The following NAALADL2 variants were observed in gnomAD, a reference collection of about 807,000 sequenced individuals.
NAALADL2 encodes the protein N-acetylated alpha-linked acidic dipeptidase like 2.
Under a neutral mutation model 87.2 loss-of-function variants are expected in NAALADL2, and 76 were observed. That is an observed-to-expected ratio of 0.87 (90% CI 0.72 to 1.05). The LOEUF is 1.05. Ranked by LOEUF, NAALADL2 falls within the 50% of genes least tolerant of loss-of-function variation. The probability of loss-of-function intolerance (pLI) is 0.00; values close to 1 mark genes in which losing one functional copy is unlikely to be tolerated. For missense variants in NAALADL2, 1,089 were observed against 945.8 expected, an observed-to-expected ratio of 1.15 and a Z score of -1.99; for synonymous variants, 354 against 331.0, an observed-to-expected ratio of 1.07 and a Z score of -0.75.
At chr3:175,224,370 G>GT (rs1743852640) in intron 2 of NAALADL2, among the ~76,000 whole-genome samples, 1 of 152,198 alleles carries the variant, frequency 6.6e-6, no homozygotes, top group South Asian at 2.1e-4. Context: ...CCTGTGAAAT[G>GT]TTTGACTGTG....
rs1446461729 is a variant in NAALADL2, at chr3:174,733,638, G to A, written c.-114-4003G>A. 3.3e-5 allele frequency among the ~76,000 whole-genome samples: 5 copies of A among 152,194 alleles called. No individual in the cohort carries two copies. The East Asian group carries it at 7.7e-4, about 23-fold the overall frequency. On this transcript the variant is annotated intron_variant, in intron 2 of 3. Transcript: ENST00000434257. ...TCTTTCTGTTACCGAAACACCAGGG[G>A]TTCAGTTTGGGTCCTGCTGCTTGCC...
At position 174,821,638 on chromosome 3, in the gene NAALADL2, C is replaced by G. The variant is rs535361941; in HGVS notation, c.-9+83892C>G. ...GAGATTTGGGCAATTACACAGAGTT[C>G]TGACTTCCCAGAGGACTCAGTGGTT... On this transcript the variant is annotated intron_variant, in intron 3 of 3. Transcript: ENST00000434257. 2.6e-5 allele frequency among the ~76,000 whole-genome samples: 4 copies of G among 152,264 alleles called. No individual in the cohort carries two copies. In the East Asian group the frequency reaches 7.7e-4, roughly 29 times the overall value.
At chr3:174,703,459 T>C (rs912581621) in intron 2 of NAALADL2, among the ~76,000 whole-genome samples, 1 of 152,186 alleles carries the variant, frequency 6.6e-6, no homozygotes, top group East Asian at 1.9e-4. Context: ...CCATTTGGAC[T>C]GACTAGTTTC....
At chr3:174,816,548 T>A (rs9822818) in intron 3 of NAALADL2, among the ~76,000 whole-genome samples, 3,097 of 148,364 alleles carry the variant, frequency 0.021, 75 homozygotes, top group African/African-American at 0.052. Context: ...TTAATATATA[T>A]AAATTATGTT....
At chr3:175,413,501 T>G (rs1376928411) in intron 5 of NAALADL2, among the ~76,000 whole-genome samples, 1 of 134,510 alleles carries the variant, frequency 7.4e-6, no homozygotes. Context: ...ACCCAGGAGG[T>G]GGAGGTTGCA....
chr3:175,421,197 A>G (rs1715634850), intron 5 of NAALADL2, among the ~76,000 whole-genome samples: 1 of 151,954 alleles, frequency 6.6e-6, no homozygotes, highest in South Asian at 2.1e-4. Context: ...ACTCCCACAT[A>G]AGAGCCATCT....
chr3:174,945,882 T>A (rs953504865), intron 1 of NAALADL2, among the ~76,000 whole-genome samples: 1 of 151,740 alleles, frequency 6.6e-6, no homozygotes, highest in African/African-American at 2.4e-5. Flanking sequence ...CAGTCTCTAC[T>A]AAAAATACAA....
chr3:175,674,562 C>T (rs886444527), intron 11 of NAALADL2, among the ~76,000 whole-genome samples: 1 of 152,044 alleles, frequency 6.6e-6, no homozygotes, highest in Admixed American at 6.6e-5. Context: ...CCGTGCCCGG[C>T]GACAGTTTGT....
At chr3:175,768,723 A>T (rs1749080843) in intron 13 of NAALADL2, among the ~76,000 whole-genome samples, 1 of 152,084 alleles carries the variant, frequency 6.6e-6, no homozygotes, top group East Asian at 1.9e-4. Flanking sequence ...ATGGTGGTGC[A>T]CCCCTGTAGT....
intron 5 of NAALADL2, among the ~76,000 whole-genome samples, chr3:175,446,115 T>A (rs531109106): frequency 6.6e-6 from 1 of 152,326 alleles, no homozygotes; most frequent in East Asian, 1.9e-4. Flanking sequence ...TTTGGTATTT[T>A]TAGATATTTT....
At position 174,717,058 on chromosome 3, in the gene NAALADL2, T is replaced by A. The variant is rs565419450; in HGVS notation, c.-114-20583T>A. On this transcript the variant is annotated intron_variant, in intron 2 of 3. Coordinates refer to the NAALADL2 transcript ENST00000434257. ...AACTTCAGTACATTTGTTTTTGTAA[T>A]ATGAGAGTTGAAAATGACTTTTCTT... Among the ~76,000 whole-genome samples the A allele has an allele frequency of 5.3e-5, 8 of 152,320 alleles. No individual in the cohort carries two copies. The South Asian group carries it at 1.7e-3, about 32-fold the overall frequency.
chr3:174,628,701 T>C (rs1721832071), intron 2 of NAALADL2, among the ~76,000 whole-genome samples: 1 of 152,172 alleles, frequency 6.6e-6, no homozygotes, highest in Admixed American at 6.5e-5. Context: ...TTTATAGCAC[T>C]ATTGCATTAT....
intron 13 of NAALADL2, chr3:175,773,656 G>A (rs1355223220): frequency 6.6e-6 from 1 of 151,980 alleles, no homozygotes; most frequent in Non-Finnish European, 1.5e-5. Context: ...GTAGTTCAGG[G>A]GTATTCATCT....
chr3:175,244,603 A>G (rs900988010), intron 3 of NAALADL2, among the ~76,000 whole-genome samples: 2 of 152,162 alleles, frequency 1.3e-5, no homozygotes, highest in Non-Finnish European at 2.9e-5. Flanking sequence ...AAAAATGCAT[A>G]ACTTTTTATT....
At chr3:175,778,384 G>A (rs1171015778) in intron 13 of NAALADL2, among the ~76,000 whole-genome samples, 4 of 152,304 alleles carry the variant, frequency 2.6e-5, no homozygotes, top group Non-Finnish European at 2.9e-5. Flanking sequence ...CTCTTACAAG[G>A]CATGATATGT....
intron 3 of NAALADL2, among the ~76,000 whole-genome samples, chr3:174,843,760 A>G (rs1724280437): frequency 6.6e-6 from 1 of 152,090 alleles, no homozygotes; most frequent in Non-Finnish European, 1.5e-5. Context: ...GGTTTTGATT[A>G]GCATTTCCCT....
chr3:174,748,016 G>A (rs1734442568), intron 3 of NAALADL2, among the ~76,000 whole-genome samples: 2 of 152,196 alleles, frequency 1.3e-5, no homozygotes, highest in South Asian at 2.1e-4. Flanking sequence ...TTGCAAGGAC[G>A]TGGGTGGAGC....
chr3:175,430,399 A>G (rs1717557330), intron 5 of NAALADL2, among the ~76,000 whole-genome samples: 1 of 151,984 alleles, frequency 6.6e-6, no homozygotes, highest in Non-Finnish European at 1.5e-5. Flanking sequence ...CTATGGCATT[A>G]TTTTGAAATA....
chr3:175,309,435 C>T (rs1758081260), intron 4 of NAALADL2, among the ~76,000 whole-genome samples: 1 of 152,062 alleles, frequency 6.6e-6, no homozygotes, highest in African/African-American at 2.4e-5. Flanking sequence ...ATCCGCCTGC[C>T]TTGGCCTACC....
Sources: allele counts gnomAD v4.1 joint callset (sites outside exome capture counted in the v4.1 genomes callset), GRCh38; gene constraint gnomAD v4.1.1; transcripts MANE v1.5; gene names NCBI Gene and HGNC (gene_info 2026-07-23, HGNC 2026-07-21).